LINGO2: variants seen among roughly 807,000 people sequenced by gnomAD.
The protein encoded by LINGO2 is leucine rich repeat and Ig domain containing 2.
In LINGO2, 14 loss-of-function variants were observed where a neutral mutation model predicts 30.6. The ratio of observed to expected loss-of-function variants is 0.46; its 90% CI spans 0.30 to 0.72. LINGO2 has a LOEUF of 0.72. Among genes scored for constraint, LINGO2 ranks in the 30% least tolerant of loss-of-function variants. The pLI is 0.07. For synonymous variants in LINGO2, 317 were observed against 288.5 expected (o/e 1.10, Z -1.00); for missense variants, 729 against 751.7 (o/e 0.97, Z 0.35).
the LINGO2 span, among the ~76,000 whole-genome samples, chr9:28,960,297 C>T: frequency 6.6e-6 from 1 of 151,986 alleles, no homozygotes; most frequent in Non-Finnish European, 1.5e-5. Context: ...GCCTGGTGTT[C>T]AAGACCAGCC....
intron 4 of LINGO2, among the ~76,000 whole-genome samples, chr9:28,051,082 T>TA (rs763916037): frequency 6.6e-6 from 1 of 150,908 alleles, no homozygotes; most frequent in Non-Finnish European, 1.5e-5. Context: ...CAAGGTCGTC[T>TA]TCTCCTGCTT....
At chr9:28,189,525 AAGGGAGGGAGGGAGGG>A (rs1159149233) in intron 4 of LINGO2, among the ~76,000 whole-genome samples, 1 of 13,810 alleles carries the variant, frequency 7.2e-5, no homozygotes, top group Non-Finnish European at 1.3e-4. Context: ...GGGAGGAAGG[AAGGGAGGGAGGGAGGG>A]AGGGAGGAAG....
intron 2 of LINGO2, among the ~76,000 whole-genome samples, chr9:28,448,112 CTT>C (rs1283120664): frequency 6.6e-6 from 1 of 152,010 alleles, no homozygotes; most frequent in Non-Finnish European, 1.5e-5. Flanking sequence ...GACAGCTAGT[CTT>C]TCTACTGGCA....
chr9:28,553,526 T>C lies in LINGO2; in HGVS notation c.-364-77501A>G, dbSNP rs575542495. ...AAAGACCAAATCTACGTCTGATTGG[T>C]GTACCTGGAAGTGATGGGGAGAATG... is the stretch of plus-strand genomic sequence containing the variant. On this transcript the variant is annotated intron_variant, in intron 1 of 5. Transcript: ENST00000379992. 2.6e-5 allele frequency among the ~76,000 whole-genome samples: 4 copies of C among 152,174 alleles called. No homozygotes were observed. The South Asian group carries it at 8.3e-4, about 32-fold the overall frequency.
intron 2 of LINGO2, among the ~76,000 whole-genome samples, chr9:28,376,860 A>G (rs1020204690): frequency 3.9e-5 from 6 of 152,142 alleles, no homozygotes; most frequent in African/African-American, 1.2e-4. Context: ...CTTTCTACCT[A>G]TCAAAACGAA....
intron 4 of LINGO2, among the ~76,000 whole-genome samples, chr9:28,217,667 C>T (rs1820815790): frequency 6.6e-6 from 1 of 151,782 alleles, no homozygotes; most frequent in Non-Finnish European, 1.5e-5. Flanking sequence ...CCTTGATGTC[C>T]AAAATAGCCT....
At chr9:28,381,782 A>T (rs1180186005) in intron 2 of LINGO2, among the ~76,000 whole-genome samples, 1 of 152,080 alleles carries the variant, frequency 6.6e-6, no homozygotes, top group Non-Finnish European at 1.5e-5. Context: ...CCAGATGGTC[A>T]TTTATGTCGC....
At chr9:27,953,611 T>C (rs1346981457) in intron 5 of LINGO2, among the ~76,000 whole-genome samples, 1 of 152,156 alleles carries the variant, frequency 6.6e-6, no homozygotes, top group African/African-American at 2.4e-5. Context: ...GGTGGTTTTA[T>C]AAGGGGCTTT....
At chr9:29,034,431 T>C in the LINGO2 span, among the ~76,000 whole-genome samples, 1 of 152,118 alleles carries the variant, frequency 6.6e-6, no homozygotes, top group Non-Finnish European at 1.5e-5. Flanking sequence ...TGCGTGACCT[T>C]GGACAAGTGG....
chr9:28,317,010 G>A (rs1000747258), intron 3 of LINGO2, among the ~76,000 whole-genome samples: 7 of 152,180 alleles, frequency 4.6e-5, no homozygotes, highest in South Asian at 4.2e-4. Context: ...ATGTATATCC[G>A]TCATTATCCT....
chr9:28,529,606 C>CTTT (rs201066699), intron 1 of LINGO2, among the ~76,000 whole-genome samples: 5 of 125,280 alleles, frequency 4.0e-5, no homozygotes, highest in Admixed American at 1.6e-4. Flanking sequence ...ATTGCAAATA[C>CTTT]TTTTTTTTTT....
At chr9:28,277,014 T>A (rs1823138572) in intron 4 of LINGO2, among the ~76,000 whole-genome samples, 1 of 152,218 alleles carries the variant, frequency 6.6e-6, no homozygotes, top group Non-Finnish European at 1.5e-5. Flanking sequence ...GTCATGTTTA[T>A]CTACCAGTTC....
chr9:28,945,968 TA>T, the LINGO2 span, among the ~76,000 whole-genome samples: 4 of 152,300 alleles, frequency 2.6e-5, no homozygotes, highest in East Asian at 7.7e-4. Flanking sequence ...ACCAATCTCC[TA>T]ACCCAATTTT....
At chr9:28,843,252 T>G in the LINGO2 span, among the ~76,000 whole-genome samples, 1 of 151,730 alleles carries the variant, frequency 6.6e-6, no homozygotes, top group Non-Finnish European at 1.5e-5. Flanking sequence ...TTTGATCTTT[T>G]TGACCTATAA....
chr9:29,176,859 T>A, the LINGO2 span, among the ~76,000 whole-genome samples: 1 of 152,236 alleles, frequency 6.6e-6, no homozygotes, highest in Admixed American at 6.5e-5. Context: ...AAAGGAGTTA[T>A]CAAATAATTC....
chr9:28,293,034 A>G (rs1210388292), intron 4 of LINGO2, among the ~76,000 whole-genome samples: 1 of 151,998 alleles, frequency 6.6e-6, no homozygotes, highest in East Asian at 1.9e-4. Flanking sequence ...GGCCTCCCAA[A>G]GTGCTGGGAT....
chr9:29,180,719 T>C, the LINGO2 span, among the ~76,000 whole-genome samples: 4 of 152,238 alleles, frequency 2.6e-5, no homozygotes, highest in East Asian at 7.7e-4. Context: ...ATGCTGAAGG[T>C]ATCTGAAAAC....
intron 4 of LINGO2, among the ~76,000 whole-genome samples, chr9:28,030,996 G>A (rs1298309326): frequency 6.6e-6 from 1 of 152,152 alleles, no homozygotes; most frequent in Non-Finnish European, 1.5e-5. Flanking sequence ...GAGATTTCCT[G>A]AGAACAAGGA....
the LINGO2 span, among the ~76,000 whole-genome samples, chr9:29,010,715 T>C: frequency 7.9e-5 from 12 of 152,062 alleles, no homozygotes; most frequent in Non-Finnish European, 1.3e-4. Context: ...AATTAAGTTA[T>C]AGGCCATAAA....
Sources: gnomAD v4.1 joint callset for allele counts (sites outside exome capture counted in the v4.1 genomes callset) on GRCh38, gnomAD v4.1.1 for gene constraint, MANE v1.5 for transcripts, NCBI Gene and HGNC (gene_info 2026-07-23, HGNC 2026-07-21) for gene names.